The following MYO19 variants were observed in gnomAD, a reference collection of about 807,000 sequenced individuals.
The protein encoded by MYO19 is unconventional myosin-XIX.
MYO19 carries 132 observed loss-of-function variants against 129.2 expected under a neutral mutation model. The ratio of observed to expected loss-of-function variants is 1.02; its 90% CI spans 0.89 to 1.18. The LOEUF (loss-of-function observed/expected upper bound fraction) is 1.18, where lower values mean the gene tolerates loss of function less well. Among genes scored for constraint, MYO19 ranks in the 50% most tolerant of loss-of-function variants. The probability of loss-of-function intolerance (pLI) is 0.00; values close to 1 mark genes in which losing one functional copy is unlikely to be tolerated. For synonymous variants in MYO19, 531 were observed against 477.2 expected (o/e 1.11, Z -1.47); for missense variants, 1,210 against 1,216.7 (o/e 0.99, Z 0.08).
At position 36,503,220 on chromosome 17, in the gene MYO19, G is replaced by GA. The variant is rs773755939; in HGVS notation, c.1977-21dup. ...GAGACCCTGGAGGCCAAAGCAGGCA[G>GA]AAGTAGAGAATTACTTCATCTGTGA... On this transcript the variant is annotated intron_variant, in intron 20 of 25. Coordinates refer to ENST00000614623, the MANE Select transcript of MYO19 (RefSeq NM_001163735.2). 749 of 1,588,034 alleles carry GA rather than the reference G, an allele frequency of 4.7e-4. No individual in the cohort carries two copies. Among genetic ancestry groups the GA allele is most frequent in the Admixed American group, 6.8e-4 (41 of 60,006 alleles).
upstream of MYO19, chr17:36,543,446 C>A (rs1423923707): frequency 1.3e-5 from 2 of 151,948 alleles, no homozygotes; most frequent in Admixed American, 1.3e-4. Flanking sequence ...GAGCCATGAC[C>A]CCGGCCCAGA....
intron 18 of MYO19, among the ~76,000 whole-genome samples, chr17:36,505,624 G>A (rs756154658): frequency 2.0e-5 from 3 of 152,160 alleles, no homozygotes; most frequent in Admixed American, 1.3e-4. Flanking sequence ...TGTCTTAAGG[G>A]ACCCTTCTAA....
chr17:36,538,469 T>C, upstream of MYO19: 1 of 1,614,116 alleles, frequency 6.2e-7, no homozygotes, highest in Non-Finnish European at 8.5e-7. Context: ...TGCTGTCAAA[T>C]ATAACAACTG....
chr17:36,541,597 T>A (rs949928827), intron 2 of MYO19, among the ~76,000 whole-genome samples: 2 of 152,240 alleles, frequency 1.3e-5, no homozygotes, highest in Non-Finnish European at 2.9e-5. Context: ...TCCCTCCAAC[T>A]GTTCTTTATT....
upstream of MYO19, chr17:36,534,941 T>G (rs1001667411): frequency 5.9e-5 from 9 of 152,276 alleles, no homozygotes; most frequent in Non-Finnish European, 1.2e-4. Flanking sequence ...GCGGCACTGC[T>G]AAGTGGCCGG....
upstream of MYO19, chr17:36,537,336 A>G (rs750608647): frequency 1.2e-6 from 2 of 1,613,032 alleles, no homozygotes; most frequent in Non-Finnish European, 1.7e-6. Flanking sequence ...GGCTTCATTT[A>G]TCCTCCTTGA....
At chr17:36,511,114 T>C (rs1048518962) in intron 12 of MYO19, 197 bp from the exon 13 acceptor site, 7 of 681,540 alleles carry the variant, frequency 1.0e-5, no homozygotes, top group African/African-American at 7.2e-5. Flanking sequence ...CATGTACCAG[T>C]CCATGCTGCC....
chr17:36,531,779 G>A (rs943616872), intron 3 of MYO19, among the ~76,000 whole-genome samples: 3 of 152,084 alleles, frequency 2.0e-5, no homozygotes, highest in Non-Finnish European at 2.9e-5. Flanking sequence ...CTGATGTCAG[G>A]CACTTACCTA....
chr17:36,542,630 C>T (rs1259617737), intron 1 of MYO19, among the ~76,000 whole-genome samples: 1 of 150,518 alleles, frequency 6.6e-6, no homozygotes, highest in Non-Finnish European at 1.5e-5. Flanking sequence ...ACCCGGGAGG[C>T]GGAGCTTGCA....
chr17:36,530,860 A>G (rs1453969957), intron 3 of MYO19, among the ~76,000 whole-genome samples: 3 of 152,116 alleles, frequency 2.0e-5, no homozygotes, highest in Non-Finnish European at 4.4e-5. Context: ...GCCTCAGGTG[A>G]TCTGCCCGCC....
chr17:36,537,335 T>A (rs767714420), upstream of MYO19: 6 of 1,613,952 alleles, frequency 3.7e-6, no homozygotes, highest in African/African-American at 8.0e-5. Flanking sequence ...GGGCTTCATT[T>A]ATCCTCCTTG....
chr17:36,531,017 T>C (rs1255557763), intron 3 of MYO19, among the ~76,000 whole-genome samples: 1 of 151,658 alleles, frequency 6.6e-6, no homozygotes, highest in Non-Finnish European at 1.5e-5. Flanking sequence ...GACGGATCAC[T>C]TGAGGTCAGG....
intron 6 of MYO19, among the ~76,000 whole-genome samples, chr17:36,524,945 TG>T (rs2073369871): frequency 6.6e-6 from 1 of 152,222 alleles, no homozygotes; most frequent in Admixed American, 6.5e-5. Flanking sequence ...TGTCAAGAGC[TG>T]GGAGACACTT....
intron 23 of MYO19, 91 bp from the exon 24 acceptor site, chr17:36,499,251 C>A: frequency 1.2e-4 from 92 of 759,782 alleles, no homozygotes; most frequent in Non-Finnish European, 1.5e-4. Context: ...CAGTTGCTGT[C>A]AAAGTTTCAA....
chr17:36,521,689 G>A (rs1599371174), intron 6 of MYO19, among the ~76,000 whole-genome samples: 1 of 151,954 alleles, frequency 6.6e-6, no homozygotes, highest in African/African-American at 2.4e-5. Context: ...ACCTTTGGGG[G>A]AAAAAAGAAA....
chr17:36,522,939 G>C (rs1415461444), intron 6 of MYO19, among the ~76,000 whole-genome samples: 1 of 151,012 alleles, frequency 6.6e-6, no homozygotes, highest in African/African-American at 2.4e-5. Context: ...CCGGGAGGCA[G>C]AAGTTGCAGT....
At chr17:36,501,001 C>G (rs1158272254) in intron 22 of MYO19, 42 bp from the exon 23 acceptor site, 9 of 1,604,322 alleles carry the variant, frequency 5.6e-6, no homozygotes, top group Non-Finnish European at 7.7e-6. Flanking sequence ...TCTTCTCCCC[C>G]TGCCCCCTCC....
intron 2 of MYO19, among the ~76,000 whole-genome samples, chr17:36,541,035 C>G (rs2074195118): frequency 6.6e-6 from 1 of 152,032 alleles, no homozygotes; most frequent in African/African-American, 2.4e-5. Context: ...GTTACCCAGG[C>G]TAGAGTGCAG....
intron 6 of MYO19, among the ~76,000 whole-genome samples, chr17:36,516,649 G>T (rs778554722): frequency 7.2e-5 from 11 of 151,872 alleles, no homozygotes; most frequent in Non-Finnish European, 1.2e-4. Flanking sequence ...TTACAGGTGT[G>T]AGCCACCGCA....
Sources: gnomAD v4.1 joint callset for allele counts (sites outside exome capture counted in the v4.1 genomes callset) on GRCh38, gnomAD v4.1.1 for gene constraint, MANE v1.5 for transcripts, NCBI Gene and HGNC (gene_info 2026-07-23, HGNC 2026-07-21) for gene names.